UBXN7: variants seen among roughly 807,000 people sequenced by gnomAD.
UBXN7 encodes UBX domain-containing protein 7.
Under a neutral mutation model 58.0 loss-of-function variants are expected in UBXN7, and 9 were observed. That is an observed-to-expected ratio of 0.16 (90% CI 0.09 to 0.27). The LOEUF is 0.27. UBXN7 is among the 10% of genes least tolerant of loss of function. UBXN7 has a pLI of 1.00. For missense variants in UBXN7, 328 were observed against 599.6 expected, an observed-to-expected ratio of 0.55 and a Z score of 4.73; for synonymous variants, 208 against 205.0, an observed-to-expected ratio of 1.01 and a Z score of -0.12.
chr3:196,411,684 G>A (rs1730330111), intron 1 of UBXN7, among the ~76,000 whole-genome samples: 2 of 152,098 alleles, frequency 1.3e-5, no homozygotes, highest in African/African-American at 2.4e-5. Flanking sequence ...GGTGGCAGGC[G>A]CCTGTAATCC....
intron 2 of UBXN7, among the ~76,000 whole-genome samples, chr3:196,405,488 GAAA>G (rs1158068897): frequency 7.0e-6 from 1 of 142,898 alleles, no homozygotes; most frequent in Non-Finnish European, 1.5e-5. Flanking sequence ...AAAAAGAAAA[GAAA>G]AAAAAAGAAA....
intron 1 of UBXN7, among the ~76,000 whole-genome samples, chr3:196,417,669 G>T (rs964211863): frequency 1.5e-5 from 2 of 136,990 alleles, no homozygotes; most frequent in African/African-American, 5.4e-5. Flanking sequence ...TTGGAAGGCC[G>T]AGGCAGACGG....
chr3:196,402,298 G>C (rs771916712), intron 3 of UBXN7, among the ~76,000 whole-genome samples: 2 of 152,168 alleles, frequency 1.3e-5, no homozygotes, highest in Admixed American at 6.5e-5. Flanking sequence ...TGGGATTACA[G>C]GTGTGAGCCA....
intron 8 of UBXN7, among the ~76,000 whole-genome samples, chr3:196,364,932 A>C (rs1728619934): frequency 6.6e-6 from 1 of 152,156 alleles, no homozygotes; most frequent in African/African-American, 2.4e-5. Context: ...TGTCTATGTG[A>C]CATGCAATGG....
chr3:196,418,232 T>G (rs1730566279), intron 1 of UBXN7, among the ~76,000 whole-genome samples: 1 of 150,364 alleles, frequency 6.7e-6, no homozygotes, highest in Non-Finnish European at 1.5e-5. Flanking sequence ...AAGACTCCAT[T>G]GAAAGAAAGA....
intron 4 of UBXN7, among the ~76,000 whole-genome samples, chr3:196,392,613 G>T (rs977693833): frequency 1.3e-5 from 2 of 151,732 alleles, no homozygotes; most frequent in Non-Finnish European, 2.9e-5. Flanking sequence ...GGCCAGCCTG[G>T]GCAACATGGT....
chr3:196,367,205 CAACAA>C (rs1280064333), intron 8 of UBXN7, among the ~76,000 whole-genome samples: 1 of 150,918 alleles, frequency 6.6e-6, no homozygotes, highest in Non-Finnish European at 1.5e-5. Context: ...AAAAAAAAAC[CAACAA>C]AACAAAACTA....
intron 1 of UBXN7, among the ~76,000 whole-genome samples, chr3:196,417,047 C>T (rs1432308147): frequency 2.0e-5 from 3 of 152,348 alleles, no homozygotes; most frequent in East Asian, 3.9e-4. Flanking sequence ...GGCGCGGCGG[C>T]TCACGCCTGT....
intron 5 of UBXN7, among the ~76,000 whole-genome samples, chr3:196,378,488 C>T (rs1729099484): frequency 6.6e-6 from 1 of 152,200 alleles, no homozygotes; most frequent in Admixed American, 6.5e-5. Context: ...TATGGCTATT[C>T]CATAGGCAGA....
At chr3:196,358,528 G>A (rs1728414619) in intron 10 of UBXN7, among the ~76,000 whole-genome samples, 1 of 152,078 alleles carries the variant, frequency 6.6e-6, no homozygotes, top group South Asian at 2.1e-4. Context: ...TTGAGCTCAG[G>A]AGTTCAAGAC....
chr3:196,429,494 T>C (rs538191497), intron 1 of UBXN7, among the ~76,000 whole-genome samples: 1 of 152,226 alleles, frequency 6.6e-6, no homozygotes. Flanking sequence ...TCTTTTTCTT[T>C]TTTTTGCTCC....
At chr3:196,375,004 G>GAGGAAGGAAGGAAGGAAGGAAGGAAGGA (rs1179864500) in intron 5 of UBXN7, among the ~76,000 whole-genome samples, 26 of 37,530 alleles carry the variant, frequency 6.9e-4, no homozygotes, top group African/African-American at 3.4e-3. Context: ...GGGAGGGAGG[G>GAGGAAGGAAGGAAGGAAGGAAGGAAGGA]AGGAAGGAAG....
Position 196,402,955 on chromosome 3 carries a change from C to T in UBXN7, c.286G>A (p.Gly96Ser). 1.3e-6 allele frequency: 2 copies of T among 1,594,996 alleles called. No homozygotes were observed. The highest frequency in any genetic ancestry group is 1.7e-6 in the Non-Finnish European group (2 of 1,175,886). ...TAAGGGAAAAAAGTGAACTTACCAC[C>T]AAATAATGGTTCTGGTTCCACCAGT... The part of the protein sequence containing the change: ...EILVEPEPLF[G>S]APKRRRPARS... The change falls in exon 3 of 11, where the codon GGT becomes AGT. Residue 96 changes from glycine to serine, a missense_variant. Gly to Ser is a moderately conservative substitution (Grantham distance 56). Transcript: ENST00000296328.
At position 196,384,636 on chromosome 3, in the gene UBXN7, T is replaced by C. The variant is rs140069716; in HGVS notation, c.468+7177A>G. ...TCGGCTTCATCCCTGGGATGCAAGG[T>C]TGGTTCAACATATGCAAATCAATAA... On this transcript the variant is annotated intron_variant, in intron 5 of 10. Transcript: ENST00000296328. 4.3e-3 allele frequency among the ~76,000 whole-genome samples: 644 copies of C among 151,470 alleles called. 20 individuals are homozygous for C. In the South Asian group the frequency reaches 0.075, roughly 18 times the overall value.
rs184887668 is a variant in UBXN7, at chr3:196,396,721, C to T, written c.290-3102G>A. Reference sequence around the variant, plus strand: ...GAGCTTGCAGTGAGCTGAGATCGCACCACTGCACTCCAGCCTGGGCCACAG... The same window carrying T: ...GAGCTTGCAGTGAGCTGAGATCGCATCACTGCACTCCAGCCTGGGCCACAG... On this transcript the variant is annotated intron_variant, in intron 3 of 10. Transcript: ENST00000296328. Among the ~76,000 whole-genome samples, 916 of 152,156 alleles carry T rather than the reference C, an allele frequency of 6.0e-3. 4 individuals are homozygous for T. Among genetic ancestry groups the T allele is most frequent in the Non-Finnish European group, 0.011 (746 of 68,002 alleles).
At chr3:196,432,199 C>G (rs1731089442) in intron 1 of UBXN7, 128 bp downstream of exon 1, 5 of 1,350,216 alleles carry the variant, frequency 3.7e-6, no homozygotes, top group Non-Finnish European at 5.2e-6. Context: ...GCCTCTTCCT[C>G]AGGAGGGAGG....
At chr3:196,396,317 C>A (rs535413684) in intron 3 of UBXN7, among the ~76,000 whole-genome samples, 43 of 151,764 alleles carry the variant, frequency 2.8e-4, no homozygotes, top group Admixed American at 7.9e-4. Context: ...TCCCAGCTGC[C>A]CAGGTGGCTG....
intron 3 of UBXN7, among the ~76,000 whole-genome samples, chr3:196,401,133 C>T (rs1349734966): frequency 2.0e-5 from 3 of 147,148 alleles, no homozygotes; most frequent in Non-Finnish European, 3.0e-5. Context: ...TTATCTCGGC[C>T]GGGTATGGTG....
At chr3:196,412,163 G>C (rs530712938) in intron 1 of UBXN7, among the ~76,000 whole-genome samples, 2 of 149,426 alleles carry the variant, frequency 1.3e-5, no homozygotes, top group African/African-American at 2.5e-5. Flanking sequence ...TCCAGGAGGC[G>C]GAGGTTACAG....
Sources: allele counts gnomAD v4.1 joint callset (sites outside exome capture counted in the v4.1 genomes callset), GRCh38; gene constraint gnomAD v4.1.1; transcripts MANE v1.5; gene names NCBI Gene and HGNC (gene_info 2026-07-23, HGNC 2026-07-21).